The following CTDSPL2 variants were observed in gnomAD, a reference collection of about 807,000 sequenced individuals.
CTDSPL2 encodes the protein CTD small phosphatase like 2, also known as CTD small phosphatase-like protein 2.
In CTDSPL2, 5 loss-of-function variants were observed where a neutral mutation model predicts 60.0. The ratio of observed to expected loss-of-function variants is 0.08; its 90% CI spans 0.04 to 0.18. The LOEUF (loss-of-function observed/expected upper bound fraction) is 0.18. Among genes scored for constraint, CTDSPL2 ranks in the 10% least tolerant of loss-of-function variants. The pLI, the probability that CTDSPL2 is intolerant of heterozygous loss-of-function variation, is 1.00. For missense variants in CTDSPL2, 370 were observed against 548.8 expected (o/e 0.67, Z 3.26); for synonymous variants, 186 against 189.3 (o/e 0.98, Z 0.14).
At chr15:44,449,045 A>T in intron 1 of CTDSPL2, 1 of 322,862 alleles carries the variant, frequency 3.1e-6, no homozygotes, top group Non-Finnish European at 6.0e-6. Context: ...TGTAATCCTG[A>T]TTTGCTACAA....
intron 2 of CTDSPL2, among the ~76,000 whole-genome samples, chr15:44,461,089 C>T (rs894155015): frequency 6.6e-6 from 1 of 152,134 alleles, no homozygotes; most frequent in African/African-American, 2.4e-5. Flanking sequence ...TTCTAGTTTT[C>T]CTTATATGAC....
intron 4 of CTDSPL2, among the ~76,000 whole-genome samples, chr15:44,487,599 G>A (rs954020213): frequency 3.3e-5 from 5 of 152,226 alleles, no homozygotes; most frequent in African/African-American, 1.2e-4. Context: ...AGCAGCATGC[G>A]TAGAGGCCTT....
At chr15:44,449,002 A>G (rs2080278879) in intron 1 of CTDSPL2, 1 of 356,776 alleles carries the variant, frequency 2.8e-6, no homozygotes. Flanking sequence ...CAGCCATACT[A>G]AAATATTTCC....
At chr15:44,440,747 A>G (rs910411804) in intron 1 of CTDSPL2, among the ~76,000 whole-genome samples, 5 of 151,878 alleles carry the variant, frequency 3.3e-5, no homozygotes, top group East Asian at 1.9e-4. Context: ...GTGTCTTGCA[A>G]TATTTTACTG....
At chr15:44,505,062 C>T (rs1232954521) in intron 8 of CTDSPL2, among the ~76,000 whole-genome samples, 2 of 151,984 alleles carry the variant, frequency 1.3e-5, no homozygotes. Flanking sequence ...CTCTATTTCT[C>T]AAAAATATGG....
chr15:44,497,450 C>T (rs1595760357), intron 7 of CTDSPL2, among the ~76,000 whole-genome samples: 1 of 152,242 alleles, frequency 6.6e-6, no homozygotes, highest in South Asian at 2.1e-4. Context: ...ACTGCAAGCT[C>T]CGCCTCCCGG....
intron 1 of CTDSPL2, among the ~76,000 whole-genome samples, chr15:44,433,392 G>C (rs1319351609): frequency 6.6e-6 from 1 of 151,086 alleles, no homozygotes; most frequent in Non-Finnish European, 1.5e-5. Context: ...GAACATACTT[G>C]GGATTACAAG....
chr15:44,448,782 A>G (rs2080272742), intron 1 of CTDSPL2: 1 of 354,780 alleles, frequency 2.8e-6, no homozygotes, highest in Non-Finnish European at 5.5e-6. Flanking sequence ...CACCAAGGCC[A>G]TAGGGAAGCT....
chr15:44,458,956 A>T, intron 1 of CTDSPL2, 35 bp from the exon 2 acceptor site: 1 of 1,333,490 alleles, frequency 7.5e-7, no homozygotes, highest in Non-Finnish European at 1.0e-6. Flanking sequence ...AATAACTTTT[A>T]ATTTTTTATT....
chr15:44,487,468 T>TA (rs1045461118), intron 4 of CTDSPL2, among the ~76,000 whole-genome samples: 26 of 150,388 alleles, frequency 1.7e-4, no homozygotes, highest in African/African-American at 3.2e-4. Flanking sequence ...GGGGTCCACG[T>TA]AAAAAAAAAT....
intron 8 of CTDSPL2, 59 bp from the exon 9 acceptor site, chr15:44,514,539 A>G (rs2081618123): frequency 6.9e-6 from 7 of 1,009,730 alleles, no homozygotes; most frequent in Middle Eastern, 2.1e-4. Flanking sequence ...CACATCTTAA[A>G]AAGAAGTGGT....
chr15:44,501,242 G>A (rs138906917), intron 8 of CTDSPL2, among the ~76,000 whole-genome samples: 1 of 152,152 alleles, frequency 6.6e-6, no homozygotes, highest in East Asian at 1.9e-4. Flanking sequence ...ATTTGGAAAG[G>A]AAAGCTATTA....
intron 1 of CTDSPL2, among the ~76,000 whole-genome samples, chr15:44,429,639 AG>A (rs1359576595): frequency 6.6e-6 from 1 of 152,148 alleles, no homozygotes; most frequent in African/African-American, 2.4e-5. Flanking sequence ...AGGCCAAGGC[AG>A]GCGGATCACA....
chr15:44,441,149 A>C (rs560157405), intron 1 of CTDSPL2, among the ~76,000 whole-genome samples: 2 of 152,272 alleles, frequency 1.3e-5, no homozygotes, highest in African/African-American at 2.4e-5. Context: ...TATTAGAGAC[A>C]TTAGTAAGAT....
chr15:44,437,224 G>A (rs912776417), intron 1 of CTDSPL2, among the ~76,000 whole-genome samples: 17 of 152,130 alleles, frequency 1.1e-4, no homozygotes, highest in Non-Finnish European at 2.4e-4. Context: ...GGATGCTCAA[G>A]CTGTATACCA....
chr15:44,524,090 T>C lies in CTDSPL2; in HGVS notation c.1336-19T>C. ...TTGAAATTTTATGCCTTTTTAAAAA[T>C]TGTCTTTTTTCCACGCAGAATGAAG... On this transcript the variant is annotated intron_variant, in intron 12 of 12. Transcript: ENST00000260327. The C allele has an allele frequency of 3.1e-6, 5 of 1,609,724 alleles. No homozygotes were observed. The highest frequency in any genetic ancestry group is 1.1e-5 in the South Asian group (1 of 90,944).
Position 44,506,025 on chromosome 15 carries a change from C to CTTTT in CTDSPL2, c.969+6231_969+6234dup, listed in dbSNP as rs753896129. 2.3e-3 allele frequency among the ~76,000 whole-genome samples: 266 copies of CTTTT among 117,568 alleles called. 10 individuals are homozygous for CTTTT. The highest frequency in any genetic ancestry group is 7.5e-3 in the African/African-American group (239 of 32,042). 77.1% of individuals were successfully genotyped at this position (117,568 alleles called of 152,430 possible). The stretch of plus-strand genomic sequence containing the variant: ...GATGAAAATTATGCTTCATTGGTAA[C>CTTTT]TTTTTTTTTTTTTTTTTTTTTTGAG... On this transcript the variant is annotated intron_variant, in intron 8 of 12. Coordinates refer to ENST00000260327, the MANE Select transcript of CTDSPL2 (RefSeq NM_016396.3).
intron 6 of CTDSPL2, 97 bp downstream of exon 6, chr15:44,496,555 T>TA (rs1310717720): frequency 1.1e-6 from 1 of 905,890 alleles, no homozygotes; most frequent in African/African-American, 1.7e-5. Context: ...ATTGCCAAGA[T>TA]ATGTGACCTG....
At chr15:44,521,097 G>C in intron 11 of CTDSPL2, 1 of 291,592 alleles carries the variant, frequency 3.4e-6, no homozygotes, top group Admixed American at 5.0e-5. Flanking sequence ...ACTCTGAGAA[G>C]AAATGACACT....
Sources: gnomAD v4.1 joint callset for allele counts (sites outside exome capture counted in the v4.1 genomes callset) on GRCh38, gnomAD v4.1.1 for gene constraint, MANE v1.5 for transcripts, NCBI Gene and HGNC (gene_info 2026-07-23, HGNC 2026-07-21) for gene names.